SSR2: variants seen among roughly 807,000 people sequenced by gnomAD.
SSR2 encodes the protein translocon-associated protein subunit beta.
A neutral mutation model predicts 22.6 loss-of-function variants in SSR2; 16 were observed. The observed-to-expected ratio is 0.71, with a 90% confidence interval of 0.48 to 1.08. The LOEUF (loss-of-function observed/expected upper bound fraction) is 1.08, where lower values mean the gene tolerates loss of function less well. Ranked by LOEUF, SSR2 falls within the 50% of genes least tolerant of loss-of-function variation. The pLI is 0.00. For synonymous variants in SSR2, 83 were observed against 91.2 expected, an observed-to-expected ratio of 0.91 and a Z score of 0.51; for missense variants, 171 against 221.6, an observed-to-expected ratio of 0.77 and a Z score of 1.45.
chr1:156,019,877 AT>A, intron 2 of SSR2, 135 bp downstream of exon 2: 1 of 894,374 alleles, frequency 1.1e-6, no homozygotes, highest in Non-Finnish European at 1.6e-6. Context: ...CCCGAAGTGT[AT>A]TCATTCACTC....
At chr1:156,012,810 C>T (rs890609314) in intron 4 of SSR2, 1 of 295,584 alleles carries the variant, frequency 3.4e-6, no homozygotes. Context: ...ACATTTATGA[C>T]TTAAGCTTTT....
intron 1 of SSR2, chr1:156,020,576 C>T (rs1010965008): frequency 6.5e-6 from 2 of 307,496 alleles, no homozygotes; most frequent in African/African-American, 2.2e-5. Context: ...TCCTCCTTGG[C>T]CACAGCTCTA....
intron 1 of SSR2, 76 bp downstream of exon 1, chr1:156,020,812 C>T (rs1050345861): frequency 2.2e-6 from 1 of 451,296 alleles, no homozygotes; most frequent in Non-Finnish European, 4.7e-6. Context: ...CCCTAGCTAA[C>T]CCCCAGCCAC....
At chr1:156,019,560 T>G (rs1366729471) in intron 2 of SSR2, among the ~76,000 whole-genome samples, 1 of 152,098 alleles carries the variant, frequency 6.6e-6, no homozygotes, top group African/African-American at 2.4e-5. Flanking sequence ...AATTTTTGTA[T>G]TTTTAGTAGT....
intron 2 of SSR2, among the ~76,000 whole-genome samples, chr1:156,019,670 C>A (rs1401127285): frequency 2.0e-5 from 3 of 152,194 alleles, no homozygotes; most frequent in African/African-American, 7.2e-5. Context: ...CAGGCGTGAG[C>A]TACCATGCCA....
intron 4 of SSR2, chr1:156,013,137 A>T (rs1038276176): frequency 3.3e-5 from 5 of 152,390 alleles, no homozygotes; most frequent in African/African-American, 7.2e-5. Flanking sequence ...TTTATGAAAG[A>T]ATGAATAGTG....
chr1:156,009,698 A>G, intron 5 of SSR2, 48 bp from the exon 6 acceptor site: 10 of 1,285,442 alleles, frequency 7.8e-6, no homozygotes, highest in Non-Finnish European at 1.1e-5. Context: ...ATTAGGGCAC[A>G]GGAGAAGCCA....
chr1:156,009,602 G>A lies in SSR2; in HGVS notation c.490C>T (p.Pro164Ser). 6.2e-7 allele frequency: 1 copy of A among 1,613,256 alleles called. No homozygotes were observed. The change falls in exon 6 of 6, where the codon CCC becomes TCC. Residue 164 changes from proline (P) to serine (S), a missense_variant. Coordinates refer to ENST00000295702, the MANE Select transcript of SSR2 (RefSeq NM_003145.4). The part of the protein sequence containing the change: ...GVMTLPSIGI[P>S]LLLWYSSKRK... Reference sequence around the variant, plus strand: ...TTGCTGGAGTACCACAATAGCAGGGGGATGCCGATGGAGGGAAGGGTCATG... The same window carrying A: ...TTGCTGGAGTACCACAATAGCAGGGAGATGCCGATGGAGGGAAGGGTCATG...
At chr1:156,017,908 C>T (rs868240828) in intron 3 of SSR2, among the ~76,000 whole-genome samples, 63 of 151,464 alleles carry the variant, frequency 4.2e-4, no homozygotes, top group African/African-American at 1.5e-3. Context: ...CGCCATCATG[C>T]CCAGCTAATT....
chr1:156,014,941 T>C lies in SSR2; in HGVS notation c.363+20A>G. The C allele has an allele frequency of 6.3e-7, 1 of 1,592,344 alleles. No homozygotes were observed. The highest frequency in any genetic ancestry group is 8.6e-7 in the Non-Finnish European group (1 of 1,160,868). ...AAGGCAGATCCAAATTCCATCCAGC[T>C]AAGGGTTTGGGCAACTCACCACAAC... On this transcript the variant is annotated intron_variant, in intron 4 of 5. Coordinates refer to ENST00000295702, the MANE Select transcript of SSR2 (RefSeq NM_003145.4).
chr1:156,018,762 C>T (rs1572258988), intron 2 of SSR2, among the ~76,000 whole-genome samples: 1 of 151,918 alleles, frequency 6.6e-6, no homozygotes, highest in East Asian at 1.9e-4. Flanking sequence ...CACCTATAAT[C>T]CTAGCACTTT....
At position 156,011,846 on chromosome 1, in the gene SSR2, A is replaced by G. The variant is rs1682982325; in HGVS notation, c.405T>C (p.Ala135=). 6.2e-7 allele frequency: 1 copy of G among 1,613,988 alleles called. No homozygotes were observed. The highest frequency in any genetic ancestry group is 1.3e-5 in the African/African-American group (1 of 74,920). The change falls in exon 5 of 6, where the codon GCT becomes GCC. Residue 135 remains alanine, a synonymous_variant. Coordinates refer to ENST00000295702, the MANE Select transcript of SSR2 (RefSeq NM_003145.4). The stretch of plus-strand genomic sequence containing the variant: ...AGAATCGCCTGTCAAACTCCCGCTG[A>G]GCCAGGATTCCTCCCTGTCCAGGTG... ...TSAPGQGGIL[A]QREFDRRFSP...
intron 3 of SSR2, among the ~76,000 whole-genome samples, chr1:156,016,959 A>G (rs1683067674): frequency 6.6e-6 from 1 of 152,248 alleles, no homozygotes; most frequent in Non-Finnish European, 1.5e-5. Context: ...CAGCCTGCAG[A>G]ACCGTGAACA....
chr1:156,020,618 C>T, intron 1 of SSR2: 1 of 324,118 alleles, frequency 3.1e-6, no homozygotes, highest in South Asian at 2.5e-5. Flanking sequence ...GCGGGGTCCT[C>T]CTCACATCCC....
intron 5 of SSR2, chr1:156,011,027 A>G (rs1682971248): frequency 6.6e-6 from 1 of 151,586 alleles, no homozygotes; most frequent in African/African-American, 2.4e-5. Flanking sequence ...GCTAGAGTGC[A>G]GTGGCTCGAT....
intron 2 of SSR2, chr1:156,019,290 A>G (rs1361934637): frequency 2.2e-6 from 1 of 448,076 alleles, no homozygotes; most frequent in Non-Finnish European, 4.5e-6. Context: ...GGGAGGGAGA[A>G]GAGGAACACA....
intron 5 of SSR2, chr1:156,010,327 A>C (rs1345733680): frequency 6.6e-6 from 1 of 151,826 alleles, no homozygotes; most frequent in Non-Finnish European, 1.5e-5. Context: ...AAAGTGCTGG[A>C]ATTACAGGTG....
chr1:156,011,890 G>A lies in SSR2; in HGVS notation c.364-3C>T, dbSNP rs745635387. Reference sequence around the variant, plus strand: ...CCAGGTGCACTGGTAGAGCCAATCTGAAAAGAAGAAAAGAACGACATTAAG... The same window carrying A: ...CCAGGTGCACTGGTAGAGCCAATCTAAAAAGAAGAAAAGAACGACATTAAG... On this transcript the variant is annotated splice_polypyrimidine_tract_variant and splice_region_variant and intron_variant, in intron 4 of 5. Transcript: ENST00000295702. 1 of 1,609,488 alleles carries A rather than the reference G, an allele frequency of 6.2e-7. No homozygotes were observed. The highest frequency in any genetic ancestry group is 2.2e-5 in the East Asian group (1 of 44,792).
rs145190932 is a variant in SSR2 at position 156,009,609 on chromosome 1, G to A, written c.483C>T (p.Ile161=). 5.0e-5 allele frequency: 80 copies of A among 1,613,116 alleles called. No homozygotes were observed. Among genetic ancestry groups the A allele is most frequent in the South Asian group, 2.2e-4 (20 of 90,744 alleles). ...AGTACCACAATAGCAGGGGGATGCCGATGGAGGGAAGGGTCATGACCCCAA... is the reference window on the plus strand; with the variant it reads ...AGTACCACAATAGCAGGGGGATGCCAATGGAGGGAAGGGTCATGACCCCAA... ...AAFGVMTLPS[I]GIPLLLWYSS... is the part of the protein sequence containing the mutation. The change falls in exon 6 of 6, where the codon ATC becomes ATT. Residue 161 remains isoleucine, a synonymous_variant. Transcript: ENST00000295702.
Sources: gnomAD v4.1 joint callset for allele counts (sites outside exome capture counted in the v4.1 genomes callset) on GRCh38, gnomAD v4.1.1 for gene constraint, MANE v1.5 for transcripts, NCBI Gene and HGNC (gene_info 2026-07-23, HGNC 2026-07-21) for gene names.